Variants in SLC38A6 observed in about 807,000 individuals in gnomAD.
The protein encoded by SLC38A6 is solute carrier family 38 member 6.
SLC38A6 carries 73 observed loss-of-function variants against 65.0 expected under a neutral mutation model. The observed-to-expected ratio is 1.12, with a 90% CI of 0.93 to 1.37. The LOEUF (loss-of-function observed/expected upper bound fraction) is 1.37, where lower values mean the gene tolerates loss of function less well. Ranked by LOEUF, SLC38A6 falls within the 40% of genes most tolerant of loss-of-function variation. The pLI is 0.00. For missense variants in SLC38A6, 561 were observed against 531.1 expected, an observed-to-expected ratio of 1.06 and a Z score of -0.55; for synonymous variants, 183 against 178.8, an observed-to-expected ratio of 1.02 and a Z score of -0.19.
intron 3 of SLC38A6, among the ~76,000 whole-genome samples, chr14:61,015,701 C>T (rs1326058213): frequency 1.3e-5 from 2 of 152,084 alleles, no homozygotes; most frequent in Non-Finnish European, 2.9e-5. Flanking sequence ...CATAAAACAG[C>T]TGATTAAAGC....
Position 61,043,195 on chromosome 14 carries a change from G to A in SLC38A6, c.673G>A (p.Val225Ile), listed in dbSNP as rs761963172. The A allele has an allele frequency of 2.0e-6, 3 of 1,532,806 alleles. No individual in the cohort carries two copies. The highest frequency in any genetic ancestry group is 2.3e-5 in the East Asian group (1 of 44,008). The allele number at this position is 1,532,806 out of a possible 1,614,324, so 95.0% of individuals were successfully genotyped here. ...SIPCPLTLNY[V>I]EKGFQISNVT... ...CCCTTGTCCTCTGACATTAAATTAT[G>A]TAGAGAAAGGTTTCCAGGTAATAGC... Residue 225 changes from valine to isoleucine, a missense_variant, in exon 9 of 16, where the codon GTA becomes ATA. By Grantham distance (29) the Val-to-Ile change is conservative. Coordinates refer to ENST00000267488, the MANE Select transcript of SLC38A6 (RefSeq NM_153811.3).
chr14:61,072,668 A>G (rs35491754), intron 15 of SLC38A6, among the ~76,000 whole-genome samples: 18 of 152,180 alleles, frequency 1.2e-4, no homozygotes, highest in Non-Finnish European at 2.1e-4. Flanking sequence ...ACTTAACATA[A>G]TGGTCTCCAG....
chr14:61,065,991 T>C (rs2043006298), intron 15 of SLC38A6, among the ~76,000 whole-genome samples: 1 of 152,170 alleles, frequency 6.6e-6, no homozygotes, highest in Admixed American at 6.5e-5. Flanking sequence ...TTAACCTGTT[T>C]TTCTTTTTGG....
intron 12 of SLC38A6, among the ~76,000 whole-genome samples, chr14:61,046,907 G>C (rs1594737896): frequency 1.3e-5 from 2 of 152,080 alleles, no homozygotes; most frequent in African/African-American, 4.8e-5. Flanking sequence ...AAAACAGATT[G>C]TCAAGCTTTT....
rs998806183 is a variant in SLC38A6, at chr14:60,981,823, C to A, written c.105+441C>A. ...AACATTTTAATACAGAAATTCTTAG[C>A]GGTAGAATGGAAGTGGCTTGGTAGT... On this transcript the variant is annotated intron_variant, in intron 1 of 15. Coordinates refer to ENST00000267488, the MANE Select transcript of SLC38A6 (RefSeq NM_153811.3). 25 of 967,614 alleles carry A rather than the reference C, an allele frequency of 2.6e-5. No individual in the cohort carries two copies. In the South Asian group the frequency reaches 3.5e-4, roughly 14 times the overall value. The allele number at this position is 967,614 out of a possible 1,614,324, so 59.9% of individuals were successfully genotyped here. A position where few individuals can be genotyped will look rare whatever the true frequency, so the allele number is the denominator to read the frequency against.
At chr14:61,044,059 T>G (rs2139797253) in intron 10 of SLC38A6, among the ~76,000 whole-genome samples, 1 of 152,222 alleles carries the variant, frequency 6.6e-6, no homozygotes, top group South Asian at 2.1e-4. Context: ...GAAATGCCTG[T>G]AAGAGCCCCT....
chr14:61,055,095 TAAGTCTTTTTCTTTTTTTTTTTC>T (rs1323041888), downstream of SLC38A6, among the ~76,000 whole-genome samples: 1 of 104,576 alleles, frequency 9.6e-6, no homozygotes, highest in Admixed American at 1.0e-4. Context: ...TTTTTTTTTT[TAAGTCTTTTTCTTTTTTTTTTTC>T]TTTTTTTTTT....
intron 3 of SLC38A6, 59 bp from the exon 4 acceptor site, chr14:61,015,845 T>G: frequency 7.2e-7 from 1 of 1,393,198 alleles, no homozygotes; most frequent in Non-Finnish European, 9.9e-7. Context: ...CTCTTCTCTT[T>G]AGGACCTGAC....
intron 15 of SLC38A6, among the ~76,000 whole-genome samples, chr14:61,069,671 A>G (rs2043159033): frequency 6.6e-6 from 1 of 151,962 alleles, no homozygotes; most frequent in Non-Finnish European, 1.5e-5. Context: ...ACCCCTTATT[A>G]TCTGTATGAT....
intron 12 of SLC38A6, among the ~76,000 whole-genome samples, chr14:61,049,262 A>C (rs1372928062): frequency 1.3e-5 from 2 of 152,168 alleles, no homozygotes; most frequent in African/African-American, 4.8e-5. Flanking sequence ...CTAGGTCTGA[A>C]ATGCATTTCC....
At chr14:61,081,114 A>G (rs2043626872) in intron 16 of SLC38A6, among the ~76,000 whole-genome samples, 1 of 152,198 alleles carries the variant, frequency 6.6e-6, no homozygotes, top group South Asian at 2.1e-4. Flanking sequence ...GCACCTCTGG[A>G]GCCTTGGGAT....
intron 3 of SLC38A6, among the ~76,000 whole-genome samples, chr14:60,996,162 T>C (rs772709427): frequency 5.9e-5 from 9 of 152,314 alleles, no homozygotes; most frequent in Non-Finnish European, 1.2e-4. Context: ...TACTTTCTGT[T>C]CAACTTTGTT....
intron 15 of SLC38A6, among the ~76,000 whole-genome samples, chr14:61,063,109 CTTTTG>C (rs952952604): frequency 6.6e-6 from 1 of 152,098 alleles, no homozygotes; most frequent in African/African-American, 2.4e-5. Context: ...TTGGGTCAAT[CTTTTG>C]TTTGTTTGTT....
chr14:61,025,127 T>C (rs2040536831), intron 5 of SLC38A6, among the ~76,000 whole-genome samples: 1 of 152,208 alleles, frequency 6.6e-6, no homozygotes, highest in Non-Finnish European at 1.5e-5. Flanking sequence ...GCAGCCTTTA[T>C]TAACACCTCA....
At chr14:61,045,513 A>G (rs1461623765) in intron 11 of SLC38A6, 88 bp downstream of exon 11, 3 of 965,100 alleles carry the variant, frequency 3.1e-6, no homozygotes, top group Non-Finnish European at 4.8e-6. Context: ...TCTTTTATTA[A>G]TCCTTTCCTC....
At chr14:61,012,034 G>A (rs1456820901) in intron 3 of SLC38A6, among the ~76,000 whole-genome samples, 1 of 152,126 alleles carries the variant, frequency 6.6e-6, no homozygotes, top group East Asian at 1.9e-4. Flanking sequence ...TGGTTGGTAG[G>A]CTATTAATTA....
intron 3 of SLC38A6, among the ~76,000 whole-genome samples, chr14:61,011,865 C>G (rs567605203): frequency 6.6e-6 from 1 of 152,114 alleles, no homozygotes; most frequent in Non-Finnish European, 1.5e-5. Context: ...GTGTCTCTGC[C>G]AGACTTTGGT....
chr14:61,047,050 C>T (rs542552348), intron 12 of SLC38A6, among the ~76,000 whole-genome samples: 1 of 152,188 alleles, frequency 6.6e-6, no homozygotes, highest in East Asian at 1.9e-4. Flanking sequence ...AACAGGGTCT[C>T]TTGGGATCCA....
intron 5 of SLC38A6, among the ~76,000 whole-genome samples, chr14:61,021,541 T>A (rs779235882): frequency 6.6e-6 from 1 of 152,198 alleles, no homozygotes; most frequent in Admixed American, 6.5e-5. Flanking sequence ...AGCTGGTTGG[T>A]CAGTTGCCAG....
Sources: allele counts gnomAD v4.1 joint callset (sites outside exome capture counted in the v4.1 genomes callset), GRCh38; gene constraint gnomAD v4.1.1; transcripts MANE v1.5; gene names NCBI Gene and HGNC (gene_info 2026-07-23, HGNC 2026-07-21).